ZDHHC5: variants seen among roughly 807,000 people sequenced by gnomAD.
The protein encoded by ZDHHC5 is palmitoyltransferase ZDHHC5.
Under a neutral mutation model 70.0 loss-of-function variants are expected in ZDHHC5, and 22 were observed. The observed-to-expected ratio is 0.31, with a 90% CI of 0.22 to 0.45. ZDHHC5 has a LOEUF of 0.45. ZDHHC5 is among the 20% of genes least tolerant of loss of function. The pLI, the probability that ZDHHC5 is intolerant of heterozygous loss-of-function variation, is 1.00. For missense variants in ZDHHC5, 746 were observed against 926.9 expected (o/e 0.80, Z 2.53); for synonymous variants, 313 against 347.8 (o/e 0.90, Z 1.11).
At chr11:57,698,328 C>A (rs1334975774) in intron 10 of ZDHHC5, among the ~76,000 whole-genome samples, 1 of 152,192 alleles carries the variant, frequency 6.6e-6, no homozygotes, top group Non-Finnish European at 1.5e-5. Flanking sequence ...TAACCCAGTT[C>A]TGCCCACGGG....
intron 2 of ZDHHC5, among the ~76,000 whole-genome samples, chr11:57,675,971 T>A (rs1313407697): frequency 6.6e-6 from 1 of 152,200 alleles, no homozygotes; most frequent in Non-Finnish European, 1.5e-5. Flanking sequence ...GTAACTACTC[T>A]ATCATCCTCC....
At chr11:57,673,862 A>T (rs1042015714) in intron 2 of ZDHHC5, among the ~76,000 whole-genome samples, 1 of 152,210 alleles carries the variant, frequency 6.6e-6, no homozygotes, top group Non-Finnish European at 1.5e-5. Flanking sequence ...GTGAGCCACC[A>T]TGCTGGGCCG....
intron 2 of ZDHHC5, 89 bp downstream of exon 2, chr11:57,673,283 C>A: frequency 2.3e-6 from 3 of 1,304,336 alleles, no homozygotes; most frequent in Non-Finnish European, 3.3e-6. Flanking sequence ...TTTGCAAAGC[C>A]AAGTGACTGA....
At chr11:57,680,233 C>T (rs531824531) in intron 2 of ZDHHC5, among the ~76,000 whole-genome samples, 7 of 152,088 alleles carry the variant, frequency 4.6e-5, no homozygotes, top group East Asian at 3.9e-4. Flanking sequence ...AAAAATTAGC[C>T]GGGCGTGGTG....
chr11:57,685,068 AGT>A lies in ZDHHC5; in HGVS notation c.226+2527_226+2528del, dbSNP rs373336492. Among the ~76,000 whole-genome samples the A allele has an allele frequency of 9.9e-4, 151 of 152,188 alleles. 1 individual carries two copies. Among genetic ancestry groups the A allele is most frequent in the African/African-American group, 3.5e-3 (146 of 41,530 alleles). ...GAGGCTGAGGCAGGAGAATCGCTTG[AGT>A]GGGGGAGGCAGAGTTTGCAGTGAGC... is the stretch of plus-strand genomic sequence containing the variant. On this transcript the variant is annotated intron_variant, in intron 3 of 11. Coordinates refer to ENST00000287169, the MANE Select transcript of ZDHHC5 (RefSeq NM_015457.3).
rs117135042 is a variant in ZDHHC5 at position 57,699,337 on chromosome 11, C to T, written c.1901C>T (p.Ser634Leu). The stretch of plus-strand genomic sequence containing the variant: ...CCAACAGCCCCATACCTGGGCCGAT[C>T]GATGTCTTACAGCAGCCAAAAAGCC... ...PGPTAPYLGR[S>L]MSYSSQKAQP... is the part of the protein sequence containing the mutation. The change falls in exon 11 of 12, where the codon TCG (serine) becomes TTG (leucine). Residue 634 changes from serine (S) to leucine (L), a missense_variant. This residue lies in a region of ZDHHC5 where 340 missense variants were observed against 350.1 expected (regional missense o/e 0.97). Coordinates refer to ENST00000287169, the MANE Select transcript of ZDHHC5 (RefSeq NM_015457.3). 1,019 of 1,612,560 alleles carry T rather than the reference C, an allele frequency of 6.3e-4. 26 individuals are homozygous for T. The East Asian group carries it at 0.022, about 34-fold the overall frequency.
intron 2 of ZDHHC5, among the ~76,000 whole-genome samples, chr11:57,676,441 T>C (rs1946072059): frequency 1.3e-5 from 2 of 152,216 alleles, no homozygotes; most frequent in Non-Finnish European, 2.9e-5. Flanking sequence ...TGGATGCTTA[T>C]CTATCTTAGT....
rs767187645 is a variant in ZDHHC5 at position 57,699,394 on chromosome 11, C to G, written c.1958C>G (p.Ala653Gly). Residue 653 changes from alanine (A) to glycine (G), a missense_variant, in exon 11 of 12, where the codon GCC (alanine) becomes GGC (glycine). This residue lies in a region of ZDHHC5 where 340 missense variants were observed against 350.1 expected (regional missense o/e 0.97). Coordinates refer to ENST00000287169, the MANE Select transcript of ZDHHC5 (RefSeq NM_015457.3). ...QPGVSETEEV[A>G]LQPLLTPKDE... ...GGTGTCTCTGAGACAGAAGAAGTGGCCTTGCAGCCATTACTGACACCCAAG... is the reference window on the plus strand; with the variant it reads ...GGTGTCTCTGAGACAGAAGAAGTGGGCTTGCAGCCATTACTGACACCCAAG... 6.0e-5 allele frequency: 95 copies of G among 1,582,994 alleles called. 2 individuals are homozygous for G. In the South Asian group the frequency reaches 1.1e-3, roughly 18 times the overall value.
At chr11:57,690,698 G>A (rs1420520935) in intron 6 of ZDHHC5, among the ~76,000 whole-genome samples, 1 of 152,162 alleles carries the variant, frequency 6.6e-6, no homozygotes, top group Non-Finnish European at 1.5e-5. Context: ...GTCCTTTGTA[G>A]GGACATGGAT....
intron 2 of ZDHHC5, among the ~76,000 whole-genome samples, chr11:57,674,316 G>GTTT (rs34645509): frequency 1.4e-4 from 20 of 140,948 alleles, no homozygotes; most frequent in East Asian, 2.1e-4. Context: ...TTTTTCCTCA[G>GTTT]TTTTTTTTTT....
chr11:57,678,794 G>C (rs1946108307), intron 2 of ZDHHC5, among the ~76,000 whole-genome samples: 1 of 152,052 alleles, frequency 6.6e-6, no homozygotes, highest in South Asian at 2.1e-4. Context: ...CTGAAGGGTT[G>C]CTTGAATCTG....
Position 57,690,099 on chromosome 11 carries a change from T to C in ZDHHC5, c.453T>C (p.Leu151=). The part of the protein sequence containing the change: ...IGRRNYRYFF[L]FLLSLTAHIM... The stretch of plus-strand genomic sequence containing the variant: ...GCCGGAACTACCGTTATTTTTTCCT[T>C]TTCCTCCTTTCCCTGACAGCCCACA... The change falls in exon 5 of 12, where the codon CTT becomes CTC. Residue 151 remains leucine, a synonymous_variant. Transcript: ENST00000287169. The C allele has an allele frequency of 2.5e-6, 4 of 1,614,122 alleles. No individual in the cohort carries two copies. The highest frequency in any genetic ancestry group is 3.4e-6 in the Non-Finnish European group (4 of 1,180,018).
chr11:57,694,870 C>T (rs988052701), intron 8 of ZDHHC5, among the ~76,000 whole-genome samples: 4 of 152,224 alleles, frequency 2.6e-5, no homozygotes, highest in East Asian at 1.9e-4. Context: ...CAGCACTTAG[C>T]GAGGCTGAGG....
intron 1 of ZDHHC5, among the ~76,000 whole-genome samples, chr11:57,671,156 T>C (rs533143867): frequency 6.6e-6 from 1 of 152,264 alleles, no homozygotes; most frequent in South Asian, 2.1e-4. Flanking sequence ...TTCAGTGGAA[T>C]GTCCTCGGGC....
chr11:57,699,234 C>G lies in ZDHHC5; in HGVS notation c.1798C>G (p.Leu600Val). ...GAGATCACCTTTGGGCAAGACTCCA[C>G]TGGGACGCCCAGCTGTCCCCCGTTT... ...SKRSPLGKTPLGRPAVPRFGK... is the reference protein window; with the variant it reads ...SKRSPLGKTPVGRPAVPRFGK... Residue 600 changes from leucine to valine, a missense_variant, in exon 11 of 12, where the codon CTG (leucine) becomes GTG (valine). Leu to Val is a conservative substitution (Grantham distance 32, BLOSUM62 1). Around this residue, in one of 6 missense-constraint regions of ZDHHC5, gnomAD observed 340 missense variants for 350.1 expected, o/e 0.97. Coordinates refer to ENST00000287169, the MANE Select transcript of ZDHHC5 (RefSeq NM_015457.3). The G allele has an allele frequency of 6.2e-7, 1 of 1,614,264 alleles. No homozygotes were observed. Among genetic ancestry groups the G allele is most frequent in the Non-Finnish European group, 8.5e-7 (1 of 1,180,040 alleles).
intron 2 of ZDHHC5, among the ~76,000 whole-genome samples, chr11:57,677,531 C>T (rs1946087830): frequency 6.6e-6 from 1 of 152,084 alleles, no homozygotes; most frequent in Admixed American, 6.6e-5. Context: ...AGGTGATCCA[C>T]CCACCTCGGC....
Position 57,698,760 on chromosome 11 carries a change from C to G in ZDHHC5, c.1324C>G (p.Gln442Glu), listed in dbSNP as rs1400353385. The G allele has an allele frequency of 2.5e-6, 4 of 1,614,226 alleles. No homozygotes were observed. The highest frequency in any genetic ancestry group is 3.4e-6 in the Non-Finnish European group (4 of 1,180,042). The change falls in exon 11 of 12, where the codon CAG becomes GAG. Residue 442 changes from glutamine (Q) to glutamate (E), a missense_variant. Physicochemically the swap from Gln to Glu is conservative, Grantham distance 29. Coordinates refer to ENST00000287169, the MANE Select transcript of ZDHHC5 (RefSeq NM_015457.3). ...CCAGGGCACAGGCTTTGAGCTGGGC[C>G]AGTTGCAATCCATTCGTTCAGAGGG... ...SAQGTGFELG[Q>E]LQSIRSEGTT... is the part of the protein sequence containing the mutation.
intron 2 of ZDHHC5, 29 bp from the exon 3 acceptor site, chr11:57,682,393 A>G (rs1333252836): frequency 1.3e-6 from 2 of 1,590,824 alleles, no homozygotes; most frequent in Non-Finnish European, 1.7e-6. Flanking sequence ...ATTAGAGGCA[A>G]CCCCTCATTT....
rs186968752 is a variant in ZDHHC5 at position 57,700,199 on chromosome 11, G to A, written c.*168G>A. The A allele has an allele frequency of 2.7e-4, 225 of 841,636 alleles. 1 individual carries two copies. In the African/African-American group the frequency reaches 2.9e-3, roughly 11 times the overall value. The allele number at this position is 841,636 out of a possible 1,614,324, so 52.1% of individuals were successfully genotyped here. A position where few individuals can be genotyped will look rare whatever the true frequency, so the allele number is the denominator to read the frequency against. Reference sequence around the variant, plus strand: ...TAAAATGCAGTAGGCTTGGGGAGTCGGAGAGTTGGGGCCCTGAGACTGGGG... The same window carrying A: ...TAAAATGCAGTAGGCTTGGGGAGTCAGAGAGTTGGGGCCCTGAGACTGGGG... On this transcript the variant is annotated 3_prime_UTR_variant, in exon 12 of 12. Coordinates refer to ENST00000287169, the MANE Select transcript of ZDHHC5 (RefSeq NM_015457.3).
Sources: allele counts gnomAD v4.1 joint callset (sites outside exome capture counted in the v4.1 genomes callset), GRCh38; gene constraint gnomAD v4.1.1; regional missense constraint gnomAD v4.1.1; transcripts MANE v1.5; gene names NCBI Gene and HGNC (gene_info 2026-07-23, HGNC 2026-07-21).